Variants in LEF1 observed in about 807,000 individuals in gnomAD.
The protein encoded by LEF1 is lymphoid enhancer binding factor 1.
Under a neutral mutation model 51.2 loss-of-function variants are expected in LEF1, and 14 were observed. That is an observed-to-expected ratio of 0.27 (90% CI 0.18 to 0.43). LEF1 has a LOEUF of 0.43. Ranked by LOEUF, LEF1 falls within the 20% of genes least tolerant of loss-of-function variation. The pLI is 1.00. For missense variants in LEF1, 386 were observed against 512.0 expected, an observed-to-expected ratio of 0.75 and a Z score of 2.37; for synonymous variants, 185 against 183.2, an observed-to-expected ratio of 1.01 and a Z score of -0.08.
At chr4:108,092,342 A>G (rs1740077130) in intron 3 of LEF1, among the ~76,000 whole-genome samples, 1 of 152,214 alleles carries the variant, frequency 6.6e-6, no homozygotes, top group Non-Finnish European at 1.5e-5. Flanking sequence ...TGAAATTTCA[A>G]TAGCATGTGT....
intron 3 of LEF1, among the ~76,000 whole-genome samples, chr4:108,119,697 A>G (rs1404236128): frequency 6.6e-6 from 1 of 152,158 alleles, no homozygotes; most frequent in Non-Finnish European, 1.5e-5. Context: ...GTACCTGTGC[A>G]TTTGGTAGCC....
intron 3 of LEF1, among the ~76,000 whole-genome samples, chr4:108,144,248 A>G (rs1349571408): frequency 6.6e-6 from 1 of 152,212 alleles, no homozygotes; most frequent in Non-Finnish European, 1.5e-5. Flanking sequence ...CTCCCTCTGA[A>G]GTAATTCTCC....
At chr4:108,130,028 G>C (rs1037396051) in intron 3 of LEF1, among the ~76,000 whole-genome samples, 1 of 152,184 alleles carries the variant, frequency 6.6e-6, no homozygotes, top group Non-Finnish European at 1.5e-5. Context: ...GTATTCAATA[G>C]TGATCCCATT....
chr4:108,115,681 A>G (rs942897291), intron 3 of LEF1, among the ~76,000 whole-genome samples: 4 of 152,208 alleles, frequency 2.6e-5, no homozygotes, highest in African/African-American at 9.6e-5. Flanking sequence ...CATTTACAGC[A>G]TGAGAAAAAA....
rs970377961 is a variant in LEF1, at chr4:108,116,338, C to T, written c.415-27081G>A. On this transcript the variant is annotated intron_variant, in intron 3 of 11. Coordinates refer to ENST00000265165, the MANE Select transcript of LEF1 (RefSeq NM_016269.5). ...GAGTTCAAGACCAGCCTGGGCAACA[C>T]GGTGAAACTCCATCTCTACAAAAAA... 2.6e-5 allele frequency among the ~76,000 whole-genome samples: 4 copies of T among 152,078 alleles called. No homozygotes were observed. In the East Asian group the frequency reaches 5.8e-4, roughly 22 times the overall value.
rs146532406 is a variant in LEF1 at position 108,124,523 on chromosome 4, C to A, written c.415-35266G>T. On this transcript the variant is annotated intron_variant, in intron 3 of 11. Coordinates refer to ENST00000265165, the MANE Select transcript of LEF1 (RefSeq NM_016269.5). Reference sequence around the variant, plus strand: ...TAGCTGGAACTACAGGTGTACGCCACCACACCCGGCTAATTTTTGTATTTT... The same window carrying A: ...TAGCTGGAACTACAGGTGTACGCCAACACACCCGGCTAATTTTTGTATTTT... Among the ~76,000 whole-genome samples the A allele has an allele frequency of 3.4e-3, 518 of 152,146 alleles. 4 individuals carry two copies. Among genetic ancestry groups the A allele is most frequent in the African/African-American group, 0.012 (494 of 41,498 alleles).
At chr4:108,081,558 G>T in intron 6 of LEF1, 28 bp downstream of exon 6, 1 of 1,584,256 alleles carries the variant, frequency 6.3e-7, no homozygotes, top group Non-Finnish European at 8.7e-7. Context: ...ACTTGTCCTC[G>T]AGCGCCCCAG....
At chr4:108,130,518 A>C (rs1742804708) in intron 3 of LEF1, among the ~76,000 whole-genome samples, 1 of 151,554 alleles carries the variant, frequency 6.6e-6, no homozygotes, top group Admixed American at 6.6e-5. Flanking sequence ...TCAGGAGTTC[A>C]AGACCAGCCT....
At chr4:108,085,469 T>C (rs528024857) in intron 4 of LEF1, among the ~76,000 whole-genome samples, 2 of 152,254 alleles carry the variant, frequency 1.3e-5, no homozygotes, top group Non-Finnish European at 2.9e-5. Flanking sequence ...TTTTCTGTCC[T>C]GAACTTTTGT....
chr4:108,059,213 A>C (rs1737509321), intron 11 of LEF1, among the ~76,000 whole-genome samples: 1 of 152,266 alleles, frequency 6.6e-6, no homozygotes, highest in Non-Finnish European at 1.5e-5. Flanking sequence ...GGGTGAATAA[A>C]GCACTGATTC....
chr4:108,157,179 T>TACAC (rs59867246), intron 3 of LEF1, among the ~76,000 whole-genome samples: 1,732 of 116,718 alleles, frequency 0.015, 22 homozygotes, highest in Middle Eastern at 0.033. Flanking sequence ...TATATATATA[T>TACAC]ACACACACAC....
chr4:108,122,059 T>C (rs1742211861), intron 3 of LEF1, among the ~76,000 whole-genome samples: 1 of 152,236 alleles, frequency 6.6e-6, no homozygotes, highest in African/African-American at 2.4e-5. Context: ...CAATATTTTA[T>C]ATTCTAGAGT....
At chr4:108,139,000 G>T (rs1743477720) in intron 3 of LEF1, among the ~76,000 whole-genome samples, 1 of 152,216 alleles carries the variant, frequency 6.6e-6, no homozygotes, top group Non-Finnish European at 1.5e-5. Flanking sequence ...AATGCTAGCT[G>T]AACCAGGCCT....
chr4:108,096,596 C>T (rs1240957332), intron 3 of LEF1, among the ~76,000 whole-genome samples: 3 of 151,974 alleles, frequency 2.0e-5, no homozygotes, highest in Non-Finnish European at 4.4e-5. Context: ...AATGGGATCA[C>T]GTTAAGTTAA....
rs560889225 is a variant in LEF1, at chr4:108,138,531, G to C, written c.414+25037C>G. On this transcript the variant is annotated intron_variant, in intron 3 of 11. Coordinates refer to ENST00000265165, the MANE Select transcript of LEF1 (RefSeq NM_016269.5). ...TACACACACACACACACACACACGA[G>C]TATGCCTGACAGCTTACCTAGCATA... Among the ~76,000 whole-genome samples the C allele has an allele frequency of 1.6e-3, 190 of 118,934 alleles. 1 individual carries two copies. Among genetic ancestry groups the C allele is most frequent in the African/African-American group, 5.3e-3 (179 of 33,950 alleles). 78.0% of individuals were successfully genotyped at this position (118,934 alleles called of 152,430 possible).
chr4:108,069,986 T>C (rs56708853), intron 9 of LEF1, among the ~76,000 whole-genome samples: 61 of 150,566 alleles, frequency 4.1e-4, no homozygotes, highest in East Asian at 3.7e-3. Context: ...AAAATAACTT[T>C]AAAACATTTA....
At chr4:108,136,900 C>A (rs1182574125) in intron 3 of LEF1, among the ~76,000 whole-genome samples, 1 of 152,154 alleles carries the variant, frequency 6.6e-6, no homozygotes, top group Non-Finnish European at 1.5e-5. Context: ...CCAATAAGGG[C>A]TCTAAGTCTT....
At chr4:108,061,485 T>C (rs1737690039) in intron 11 of LEF1, among the ~76,000 whole-genome samples, 1 of 152,142 alleles carries the variant, frequency 6.6e-6, no homozygotes, top group African/African-American at 2.4e-5. Context: ...TTAATATAAA[T>C]AGTTAGCTTT....
intron 11 of LEF1, among the ~76,000 whole-genome samples, chr4:108,055,496 T>C (rs994022766): frequency 2.0e-5 from 3 of 152,224 alleles, no homozygotes; most frequent in Non-Finnish European, 4.4e-5. Flanking sequence ...GTAAACCATA[T>C]AGCTTCTCTG....
Sources: gnomAD v4.1 joint callset for allele counts (sites outside exome capture counted in the v4.1 genomes callset) on GRCh38, gnomAD v4.1.1 for gene constraint, MANE v1.5 for transcripts, NCBI Gene and HGNC (gene_info 2026-07-23, HGNC 2026-07-21) for gene names.